The following VPS13B variants were observed in gnomAD, a reference collection of about 807,000 sequenced individuals.
The protein encoded by VPS13B is vacuolar protein sorting 13 homolog B.
In VPS13B, 285 loss-of-function variants were observed where a neutral mutation model predicts 426.4. That is an observed-to-expected ratio of 0.67 (90% CI 0.61 to 0.74). The LOEUF (loss-of-function observed/expected upper bound fraction) is 0.74, where lower values mean the gene tolerates loss of function less well. Ranked by LOEUF, VPS13B falls within the 30% of genes least tolerant of loss-of-function variation. The pLI is 0.00. For missense variants in VPS13B, 4,537 were observed against 4,782.6 expected (o/e 0.95, Z 1.51); for synonymous variants, 1,676 against 1,676.4 (o/e 1.00, Z 0.01).
At chr8:99,196,245 T>C (rs1340680268) in intron 17 of VPS13B, among the ~76,000 whole-genome samples, 5 of 152,146 alleles carry the variant, frequency 3.3e-5, no homozygotes, top group South Asian at 4.1e-4. Context: ...TTATACTTTT[T>C]AGTATACAGA....
chr8:99,569,924 C>T (rs1825389235), intron 31 of VPS13B, among the ~76,000 whole-genome samples: 1 of 152,128 alleles, frequency 6.6e-6, no homozygotes, highest in Non-Finnish European at 1.5e-5. Context: ...TAATAAATTT[C>T]TATGGACATA....
chr8:99,292,414 C>T (rs1179239104), intron 19 of VPS13B, among the ~76,000 whole-genome samples: 3 of 152,068 alleles, frequency 2.0e-5, no homozygotes, highest in African/African-American at 7.2e-5. Context: ...ATGTTGAAAG[C>T]TTTTACCCTT....
chr8:99,038,678 A>AAT, intron 3 of VPS13B, 112 bp downstream of exon 3: 1 of 463,560 alleles, frequency 2.2e-6, no homozygotes, highest in Non-Finnish European at 3.3e-6. Flanking sequence ...TAGCTTATAT[A>AAT]CTTTTTTTTT....
chr8:99,378,939 C>A (rs1234829967), intron 19 of VPS13B, among the ~76,000 whole-genome samples: 1 of 152,092 alleles, frequency 6.6e-6, no homozygotes, highest in African/African-American at 2.4e-5. Flanking sequence ...GGTCCTCAAC[C>A]TCTGGGCCGT....
intron 19 of VPS13B, among the ~76,000 whole-genome samples, chr8:99,371,088 A>T (rs1161764169): frequency 6.6e-6 from 1 of 152,188 alleles, no homozygotes; most frequent in African/African-American, 2.4e-5. Context: ...ATTAAATTGT[A>T]TTTAAAATCT....
At chr8:99,816,193 G>A (rs1814027601) in intron 44 of VPS13B, among the ~76,000 whole-genome samples, 1 of 147,976 alleles carries the variant, frequency 6.8e-6, no homozygotes, top group Non-Finnish European at 1.5e-5. Context: ...ACCTCCACCT[G>A]CCAGGTTCAA....
At chr8:99,040,861 C>G (rs1481854473) in intron 3 of VPS13B, among the ~76,000 whole-genome samples, 1 of 152,074 alleles carries the variant, frequency 6.6e-6, no homozygotes, top group Non-Finnish European at 1.5e-5. Flanking sequence ...CAGATAAGAT[C>G]ATTCCAAAAA....
intron 43 of VPS13B, among the ~76,000 whole-genome samples, chr8:99,805,723 C>T (rs1813364361): frequency 6.6e-6 from 1 of 152,184 alleles, no homozygotes; most frequent in Non-Finnish European, 1.5e-5. Flanking sequence ...CTCTTGGGAC[C>T]TTCCATCGAG....
intron 19 of VPS13B, among the ~76,000 whole-genome samples, chr8:99,348,882 A>G (rs536782042): frequency 6.6e-6 from 1 of 152,200 alleles, no homozygotes; most frequent in South Asian, 2.1e-4. Flanking sequence ...GTTTTTTTGT[A>G]GCATGAAAAC....
intron 35 of VPS13B, chr8:99,696,349 C>T (rs1456357633): frequency 1.1e-5 from 3 of 277,540 alleles, no homozygotes; most frequent in South Asian, 4.1e-5. Context: ...TGAGCTGAAG[C>T]GCTACTGCCT....
chr8:99,442,755 T>G, intron 23 of VPS13B, 120 bp downstream of exon 23: 2 of 1,017,690 alleles, frequency 2.0e-6, no homozygotes, highest in South Asian at 3.0e-5. Context: ...AGATTTTTCC[T>G]GACCAAAGTA....
intron 21 of VPS13B, among the ~76,000 whole-genome samples, chr8:99,395,201 A>G (rs1814662310): frequency 6.6e-6 from 1 of 152,226 alleles, no homozygotes; most frequent in African/African-American, 2.4e-5. Flanking sequence ...CAGGAACTGA[A>G]GTTAAGGGAG....
intron 30 of VPS13B, among the ~76,000 whole-genome samples, chr8:99,527,165 G>GT: frequency 6.6e-6 from 1 of 151,738 alleles, no homozygotes; most frequent in South Asian, 2.1e-4. Flanking sequence ...GTTTGCTCTC[G>GT]GTGGATTCTT....
chr8:99,479,789 T>C (rs754890379), intron 24 of VPS13B, among the ~76,000 whole-genome samples: 2 of 152,218 alleles, frequency 1.3e-5, no homozygotes, highest in African/African-American at 2.4e-5. Flanking sequence ...CTTCAATTTG[T>C]TAACTACCTG....
At chr8:99,740,068 C>A (rs752961704) in intron 39 of VPS13B, among the ~76,000 whole-genome samples, 51 of 151,968 alleles carry the variant, frequency 3.4e-4, no homozygotes, top group Non-Finnish European at 7.2e-4. Context: ...AAGCTAAAAA[C>A]CTTGCAAAAA....
intron 19 of VPS13B, chr8:99,341,548 A>T (rs1401721341): frequency 6.3e-6 from 1 of 158,064 alleles, no homozygotes; most frequent in Admixed American, 6.5e-5. Flanking sequence ...TTGATGCCAG[A>T]CAGCCTGCAG....
At chr8:99,731,159 G>A (rs1372835384) in intron 39 of VPS13B, among the ~76,000 whole-genome samples, 1 of 152,214 alleles carries the variant, frequency 6.6e-6, no homozygotes, top group Non-Finnish European at 1.5e-5. Context: ...GGAAGAGTGA[G>A]TGAGAGGCCG....
chr8:99,248,529 A>G (rs1817337950), intron 17 of VPS13B, among the ~76,000 whole-genome samples: 1 of 152,182 alleles, frequency 6.6e-6, no homozygotes, highest in Admixed American at 6.5e-5. Context: ...GAACATTATA[A>G]AGCATTAAAA....
At chr8:99,814,133 C>T (rs1813882428) in intron 44 of VPS13B, among the ~76,000 whole-genome samples, 1 of 151,902 alleles carries the variant, frequency 6.6e-6, no homozygotes, top group African/African-American at 2.4e-5. Flanking sequence ...GAGCAAGACC[C>T]CCATCTAAAA....
Sources: gnomAD v4.1 joint callset for allele counts (sites outside exome capture counted in the v4.1 genomes callset) on GRCh38, gnomAD v4.1.1 for gene constraint, MANE v1.5 for transcripts, NCBI Gene and HGNC (gene_info 2026-07-23, HGNC 2026-07-21) for gene names.